The following TMEM132C variants were observed in gnomAD, a reference collection of about 807,000 sequenced individuals.
The protein encoded by TMEM132C is transmembrane protein 132C.
TMEM132C carries 29 observed loss-of-function variants against 61.4 expected under a neutral mutation model. That is an observed-to-expected ratio of 0.47 (90% confidence interval 0.35 to 0.64). TMEM132C has a LOEUF of 0.64. TMEM132C is among the 30% of genes least tolerant of loss of function. The probability of loss-of-function intolerance (pLI) is 0.00; values close to 1 mark genes in which losing one functional copy is unlikely to be tolerated. For missense variants in TMEM132C, 1,408 were observed against 1,476.9 expected (o/e 0.95, Z 0.76); for synonymous variants, 656 against 633.1 (o/e 1.04, Z -0.54).
intron 3 of TMEM132C, among the ~76,000 whole-genome samples, chr12:128,559,380 T>TG (rs1874439573): frequency 6.6e-6 from 1 of 152,214 alleles, no homozygotes; most frequent in Non-Finnish European, 1.5e-5. Flanking sequence ...TCAGGTTTTT[T>TG]GGGGTTTTTT....
intron 3 of TMEM132C, among the ~76,000 whole-genome samples, chr12:128,605,591 CA>C (rs1394946508): frequency 6.6e-6 from 1 of 152,156 alleles, no homozygotes; most frequent in Non-Finnish European, 1.5e-5. Context: ...GGCAGGAGGA[CA>C]GGGGTGCATT....
At chr12:128,607,939 T>G (rs191126973) in intron 3 of TMEM132C, among the ~76,000 whole-genome samples, 8 of 152,272 alleles carry the variant, frequency 5.3e-5, no homozygotes, top group African/African-American at 1.9e-4. Flanking sequence ...CGCTCTCCCA[T>G]ATGCTGCAGC....
intron 1 of TMEM132C, among the ~76,000 whole-genome samples, chr12:128,312,452 CCCA>C (rs1174612935): frequency 6.6e-6 from 1 of 152,066 alleles, no homozygotes; most frequent in Non-Finnish European, 1.5e-5. Flanking sequence ...TCTACAACCG[CCCA>C]CCAACACACC....
intron 1 of TMEM132C, among the ~76,000 whole-genome samples, chr12:128,395,130 CATA>C (rs905736188): frequency 2.7e-5 from 4 of 150,842 alleles, no homozygotes; most frequent in African/African-American, 4.9e-5. Flanking sequence ...GTTATTGTAA[CATA>C]ATTATTATAT....
chr12:128,632,138 G>A (rs1204303118), intron 4 of TMEM132C, among the ~76,000 whole-genome samples: 1 of 152,186 alleles, frequency 6.6e-6, no homozygotes, highest in East Asian at 1.9e-4. Flanking sequence ...GCTTCAACCG[G>A]AGTGAGGCAT....
intron 3 of TMEM132C, among the ~76,000 whole-genome samples, chr12:128,596,726 G>A (rs1014220065): frequency 6.6e-5 from 10 of 152,134 alleles, no homozygotes; most frequent in African/African-American, 2.4e-4. Flanking sequence ...CCCTTTCGCA[G>A]GTCCTGGTAC....
chr12:128,694,231 T>C (rs1442320919), intron 6 of TMEM132C, among the ~76,000 whole-genome samples, 197 bp downstream of exon 6: 1 of 152,216 alleles, frequency 6.6e-6, no homozygotes, highest in African/African-American at 2.4e-5. Flanking sequence ...GTCCGCACTC[T>C]ACACTGGGGC....
intron 1 of TMEM132C, among the ~76,000 whole-genome samples, chr12:128,325,957 G>A (rs1872499699): frequency 6.6e-6 from 1 of 152,104 alleles, no homozygotes; most frequent in Admixed American, 6.6e-5. Flanking sequence ...CAGTGAGCAG[G>A]ACATATGTGG....
chr12:128,644,566 A>C (rs1301265608), intron 4 of TMEM132C, among the ~76,000 whole-genome samples: 2 of 152,238 alleles, frequency 1.3e-5, no homozygotes, highest in East Asian at 3.8e-4. Flanking sequence ...TAGGGACAGA[A>C]AGCAGGATCA....
At chr12:128,370,292 C>T (rs1475494707) in intron 1 of TMEM132C, among the ~76,000 whole-genome samples, 2 of 152,138 alleles carry the variant, frequency 1.3e-5, no homozygotes, top group South Asian at 2.1e-4. Flanking sequence ...GTGTGTTAGA[C>T]TATTGCAGGT....
At chr12:128,663,970 G>T (rs1219380595) in intron 4 of TMEM132C, among the ~76,000 whole-genome samples, 4 of 115,944 alleles carry the variant, frequency 3.4e-5, no homozygotes, top group African/African-American at 1.4e-4. Flanking sequence ...ACAGGCACAT[G>T]CACCCACACG....
intron 5 of TMEM132C, among the ~76,000 whole-genome samples, chr12:128,681,559 C>G (rs1334828830): frequency 6.6e-6 from 1 of 152,064 alleles, no homozygotes; most frequent in East Asian, 1.9e-4. Flanking sequence ...TTATTTCCGA[C>G]TTTCCATCAC....
intron 1 of TMEM132C, among the ~76,000 whole-genome samples, chr12:128,385,063 G>A (rs1011881842): frequency 2.6e-5 from 4 of 152,124 alleles, no homozygotes; most frequent in South Asian, 2.1e-4. Context: ...TTGCAGATTC[G>A]GATGGCAACA....
intron 4 of TMEM132C, among the ~76,000 whole-genome samples, chr12:128,661,778 C>G (rs1954393311): frequency 6.6e-6 from 1 of 152,122 alleles, no homozygotes; most frequent in Non-Finnish European, 1.5e-5. Flanking sequence ...GCTATACAAA[C>G]AGGGATAGAT....
chr12:128,574,242 T>G (rs1393117002), intron 3 of TMEM132C, among the ~76,000 whole-genome samples: 1 of 152,232 alleles, frequency 6.6e-6, no homozygotes, highest in Non-Finnish European at 1.5e-5. Context: ...ATCCTGTCTA[T>G]GCATGGTGCT....
intron 2 of TMEM132C, among the ~76,000 whole-genome samples, chr12:128,525,922 C>T (rs1873070499): frequency 2.0e-5 from 3 of 152,142 alleles, no homozygotes; most frequent in Admixed American, 2.0e-4. Flanking sequence ...TTATAGAGCT[C>T]ACAATCCCAG....
chr12:128,549,145 G>A (rs1874065657), intron 3 of TMEM132C, among the ~76,000 whole-genome samples: 1 of 152,136 alleles, frequency 6.6e-6, no homozygotes, highest in African/African-American at 2.4e-5. Flanking sequence ...TTAGCTCCAA[G>A]CCTTGAGCTG....
At chr12:128,312,753 A>C (rs1872015701) in intron 1 of TMEM132C, among the ~76,000 whole-genome samples, 3 of 152,168 alleles carry the variant, frequency 2.0e-5, no homozygotes, top group Admixed American at 1.3e-4. Flanking sequence ...TGGCCTCTAG[A>C]ACTGTGAGAG....
intron 1 of TMEM132C, among the ~76,000 whole-genome samples, chr12:128,294,998 G>GATAGATAGATAGATAGGTAGATAC (rs1871359598): frequency 6.6e-6 from 1 of 150,548 alleles, no homozygotes; most frequent in African/African-American, 2.4e-5. Flanking sequence ...TAGATAGATA[G>GATAGATAGATAGATAGGTAGATAC]ATAGGTAGAT....
Sources: gnomAD v4.1 joint callset for allele counts (sites outside exome capture counted in the v4.1 genomes callset) on GRCh38, gnomAD v4.1.1 for gene constraint, MANE v1.5 for transcripts, NCBI Gene and HGNC (gene_info 2026-07-23, HGNC 2026-07-21) for gene names.